Variants in CCDC7 observed in about 807,000 individuals in gnomAD.
The protein encoded by CCDC7 is coiled-coil domain containing 7.
A neutral mutation model predicts 196.9 loss-of-function variants in CCDC7; 183 were observed. The ratio of observed to expected loss-of-function variants is 0.93; its 90% CI spans 0.82 to 1.05. The LOEUF (loss-of-function observed/expected upper bound fraction) is 1.05, where lower values mean the gene tolerates loss of function less well. CCDC7 is among the 50% of genes least tolerant of loss of function. CCDC7 has a pLI of 0.00. For missense variants in CCDC7, 1,540 were observed against 1,482.2 expected, an observed-to-expected ratio of 1.04 and a Z score of -0.64; for synonymous variants, 525 against 484.6, an observed-to-expected ratio of 1.08 and a Z score of -1.10.
chr10:32,561,596 A>G (rs578098117), intron 13 of CCDC7, among the ~76,000 whole-genome samples: 6 of 152,324 alleles, frequency 3.9e-5, no homozygotes, highest in Non-Finnish European at 5.9e-5. Flanking sequence ...TGTTCTTTGA[A>G]ACCAATGAGA....
rs575485842 is a variant in CCDC7 at position 32,660,287 on chromosome 10, C to G, written c.2015-3767C>G. ...CTATCCCTCCCGCCTCCCCCCACCCCACAACAGTCCCCAGAGTGTGATGTT... is the reference window on the plus strand; with the variant it reads ...CTATCCCTCCCGCCTCCCCCCACCCGACAACAGTCCCCAGAGTGTGATGTT... On this transcript the variant is annotated intron_variant, in intron 20 of 41. Coordinates refer to ENST00000639629, the Ensembl canonical transcript of CCDC7. 1.1e-3 allele frequency among the ~76,000 whole-genome samples: 152 copies of G among 137,452 alleles called. 1 individual carries two copies. The highest frequency in any genetic ancestry group is 1.7e-3 in the Non-Finnish European group (111 of 64,318). The allele number at this position is 137,452 out of a possible 152,430, so 90.2% of individuals were successfully genotyped here. A position where few individuals can be genotyped will look rare whatever the true frequency, so the allele number is the denominator to read the frequency against.
intron 31 of CCDC7, among the ~76,000 whole-genome samples, chr10:32,822,735 A>G (rs2090468651): frequency 6.6e-6 from 1 of 152,178 alleles, no homozygotes; most frequent in Non-Finnish European, 1.5e-5. Flanking sequence ...TTCTGTAATA[A>G]GCATTGAATT....
chr10:32,559,702 T>A (rs2055074767), intron 13 of CCDC7, among the ~76,000 whole-genome samples: 1 of 150,334 alleles, frequency 6.7e-6, no homozygotes. Flanking sequence ...CAAAAGTAGA[T>A]AAAACCACAA....
At chr10:32,517,379 A>C (rs1366123050) in intron 9 of CCDC7, among the ~76,000 whole-genome samples, 1 of 152,112 alleles carries the variant, frequency 6.6e-6, no homozygotes, top group Non-Finnish European at 1.5e-5. Flanking sequence ...ACTAATAAAA[A>C]TTACAGAATG....
chr10:32,755,552 G>A (rs1226277179), intron 28 of CCDC7, among the ~76,000 whole-genome samples: 1 of 151,960 alleles, frequency 6.6e-6, no homozygotes, highest in Non-Finnish European at 1.5e-5. Context: ...ACTGTTAGAA[G>A]GAAAACTAAC....
chr10:32,853,319 GTCTTC>G (rs1309065670), intron 40 of CCDC7, among the ~76,000 whole-genome samples: 4 of 151,976 alleles, frequency 2.6e-5, no homozygotes, highest in African/African-American at 9.7e-5. Context: ...AATAATAATG[GTCTTC>G]TCTTATGGAT....
At chr10:32,827,946 T>G (rs1460961038) in intron 32 of CCDC7, among the ~76,000 whole-genome samples, 1 of 152,186 alleles carries the variant, frequency 6.6e-6, no homozygotes, top group East Asian at 1.9e-4. Context: ...AACTAAGTGC[T>G]TGCCATCTTT....
At chr10:32,686,589 A>G (rs1307438275) in intron 22 of CCDC7, among the ~76,000 whole-genome samples, 1 of 152,218 alleles carries the variant, frequency 6.6e-6, no homozygotes, top group Non-Finnish European at 1.5e-5. Flanking sequence ...TGGTAACTTT[A>G]AAATGATTGC....
At position 32,818,728 on chromosome 10, in the gene CCDC7, G is replaced by A. The variant is rs922427613; in HGVS notation, c.3181+4275G>A. 3.6e-4 allele frequency among the ~76,000 whole-genome samples: 55 copies of A among 152,234 alleles called. 1 individual carries two copies. The highest frequency in any genetic ancestry group is 1.2e-3 in the African/African-American group (48 of 41,538). On this transcript the variant is annotated intron_variant, in intron 31 of 41. Coordinates refer to ENST00000639629, the Ensembl canonical transcript of CCDC7. ...CCTGAATGACTACTGGGTACATAAC[G>A]AAATGAAGGCAGAAATAAAGATGTT...
At chr10:32,549,264 G>GT (rs2053062361) in intron 13 of CCDC7, among the ~76,000 whole-genome samples, 2 of 151,922 alleles carry the variant, frequency 1.3e-5, no homozygotes, top group African/African-American at 2.4e-5. Flanking sequence ...GGGATACTTT[G>GT]TTTTTTTCTT....
intron 11 of CCDC7, among the ~76,000 whole-genome samples, chr10:32,532,591 T>C (rs1399142587): frequency 6.6e-6 from 1 of 152,160 alleles, no homozygotes; most frequent in East Asian, 1.9e-4. Context: ...TGTTATTGTA[T>C]TACAGTTTAT....
chr10:32,729,436 G>T, exon 28 of CCDC7: 2 of 1,314,678 alleles, frequency 1.5e-6, no homozygotes, highest in Non-Finnish European at 1.1e-6. Flanking sequence ...GAAACTTCAA[G>T]CTAAAGTAAC....
Position 32,728,904 on chromosome 10 carries a change from A to G in CCDC7, c.2686A>G (p.Asn896Asp), listed in dbSNP as rs1406415367. 1.9e-6 allele frequency: 3 copies of G among 1,602,538 alleles called. No individual in the cohort carries two copies. In the East Asian group the frequency reaches 6.7e-5, roughly 36 times the overall value. ...TGATATAGCTCGTATTGTAGTACCA[A>G]ATGAAAATGTGATTTCTGTTCATCA... Residue 896 changes from asparagine (N) to aspartate (D), a missense_variant, in exon 27 of 42, where the codon AAT becomes GAT. Coordinates refer to ENST00000639629, the Ensembl canonical transcript of CCDC7.
chr10:32,736,179 G>T (rs1446084644), intron 28 of CCDC7, among the ~76,000 whole-genome samples: 1 of 152,102 alleles, frequency 6.6e-6, no homozygotes, highest in East Asian at 1.9e-4. Flanking sequence ...TCAGTTTGTT[G>T]ATTCCATTTT....
At chr10:32,776,189 A>C (rs1767887355) in intron 28 of CCDC7, among the ~76,000 whole-genome samples, 2 of 149,456 alleles carry the variant, frequency 1.3e-5, no homozygotes, top group South Asian at 4.4e-4. Flanking sequence ...CTAGATGACG[A>C]GTTAGTGGGT....
intron 28 of CCDC7, among the ~76,000 whole-genome samples, chr10:32,730,983 A>G (rs1396423283): frequency 1.3e-5 from 2 of 152,034 alleles, no homozygotes; most frequent in Non-Finnish European, 2.9e-5. Context: ...TTATTGTGTC[A>G]TTTACATTTA....
At chr10:32,828,767 TC>T (rs2091776170) in intron 32 of CCDC7, among the ~76,000 whole-genome samples, 1 of 152,090 alleles carries the variant, frequency 6.6e-6, no homozygotes, top group South Asian at 2.1e-4. Flanking sequence ...TTACTGTTTC[TC>T]CCATAGCCAG....
chr10:32,842,029 C>T (rs2093008468), intron 33 of CCDC7, among the ~76,000 whole-genome samples: 1 of 152,030 alleles, frequency 6.6e-6, no homozygotes. Flanking sequence ...CCCTTCTAGA[C>T]ATTAGCTTAA....
intron 15 of CCDC7, among the ~76,000 whole-genome samples, chr10:32,569,196 G>A (rs927946383): frequency 4.6e-5 from 7 of 152,120 alleles, no homozygotes; most frequent in African/African-American, 1.7e-4. Flanking sequence ...TCTTTGCAAA[G>A]ATGATGTATA....
Sources: gnomAD v4.1 joint callset for allele counts (sites outside exome capture counted in the v4.1 genomes callset) on GRCh38, gnomAD v4.1.1 for gene constraint, MANE v1.5 for transcripts, NCBI Gene and HGNC (gene_info 2026-07-23, HGNC 2026-07-21) for gene names.